Variants in SORCS2 observed in about 807,000 individuals in gnomAD.
SORCS2 encodes sortilin related VPS10 domain containing receptor 2.
SORCS2 carries 100 observed loss-of-function variants against 141.6 expected under a neutral mutation model. The ratio of observed to expected loss-of-function variants is 0.71; its 90% CI spans 0.60 to 0.83. SORCS2 has a LOEUF of 0.83. Among genes scored for constraint, SORCS2 ranks in the 40% least tolerant of loss-of-function variants. The pLI, the probability that SORCS2 is intolerant of heterozygous loss-of-function variation, is 0.00. For synonymous variants in SORCS2, 789 were observed against 676.9 expected (o/e 1.17, Z -2.57); for missense variants, 1,646 against 1,560.2 (o/e 1.05, Z -0.93).
At chr4:7,367,913 C>G (rs1722001814) in intron 1 of SORCS2, among the ~76,000 whole-genome samples, 1 of 152,216 alleles carries the variant, frequency 6.6e-6, no homozygotes. Flanking sequence ...CTCCTGCCAC[C>G]CGGGCCAGTC....
intron 2 of SORCS2, among the ~76,000 whole-genome samples, chr4:7,466,281 C>G (rs6446602): frequency 0.29 from 44,001 of 151,956 alleles, 7,134 homozygotes; most frequent in East Asian, 0.66. Context: ...CCTTGTGGCT[C>G]TGCCCTCCTC....
At chr4:7,426,628 T>G (rs10023533) in intron 2 of SORCS2, among the ~76,000 whole-genome samples, 123,227 of 152,070 alleles carry the variant, frequency 0.81, 50,116 homozygotes, top group South Asian at 0.94. Context: ...ATGTACTGGG[T>G]GTCTTGTGTG....
At chr4:7,356,139 G>C (rs1023019448) in intron 1 of SORCS2, among the ~76,000 whole-genome samples, 1 of 152,246 alleles carries the variant, frequency 6.6e-6, no homozygotes, top group Non-Finnish European at 1.5e-5. Flanking sequence ...TGTCAGAGAG[G>C]CTCTTTCTCC....
chr4:7,206,373 G>C (rs139162316), intron 1 of SORCS2, among the ~76,000 whole-genome samples: 7 of 152,296 alleles, frequency 4.6e-5, no homozygotes, highest in Non-Finnish European at 8.8e-5. Flanking sequence ...GGAGGTCATG[G>C]ATCCTGAAGC....
intron 3 of SORCS2, among the ~76,000 whole-genome samples, chr4:7,611,910 G>A (rs1179625340): frequency 6.6e-6 from 1 of 152,260 alleles, no homozygotes; most frequent in African/African-American, 2.4e-5. Flanking sequence ...CTCAGGCTCT[G>A]TGGATCCATG....
chr4:7,507,831 G>A (rs182494289), intron 2 of SORCS2, among the ~76,000 whole-genome samples: 3 of 152,162 alleles, frequency 2.0e-5, no homozygotes, highest in East Asian at 1.9e-4. Flanking sequence ...CGAGCCATGC[G>A]CCAAAATAAA....
chr4:7,289,920 C>A (rs973131785), intron 1 of SORCS2, among the ~76,000 whole-genome samples: 4 of 152,198 alleles, frequency 2.6e-5, no homozygotes, highest in African/African-American at 9.7e-5. Context: ...ACCTGCAGCA[C>A]CCTGATCGCA....
At chr4:7,605,560 C>T (rs1188151055) in intron 3 of SORCS2, among the ~76,000 whole-genome samples, 1 of 152,104 alleles carries the variant, frequency 6.6e-6, no homozygotes, top group Non-Finnish European at 1.5e-5. Flanking sequence ...AACAGTGCAC[C>T]TTGAAATATC....
chr4:7,574,047 G>A (rs937523388), intron 3 of SORCS2, among the ~76,000 whole-genome samples: 3 of 152,202 alleles, frequency 2.0e-5, no homozygotes, highest in Admixed American at 6.5e-5. Context: ...CCTCCTCCTC[G>A]TTTCTCCTGA....
intron 1 of SORCS2, among the ~76,000 whole-genome samples, chr4:7,296,926 G>A (rs1014448282): frequency 5.3e-5 from 8 of 152,174 alleles, no homozygotes; most frequent in Non-Finnish European, 1.0e-4. Context: ...TGCCCGGCCT[G>A]GTGTCCGAGG....
chr4:7,689,964 TGATG>T (rs1454209066), intron 11 of SORCS2, among the ~76,000 whole-genome samples: 1 of 152,012 alleles, frequency 6.6e-6, no homozygotes, highest in Non-Finnish European at 1.5e-5. Context: ...AATGGATGGA[TGATG>T]GATGGATGAT....
Position 7,286,438 on chromosome 4 carries a change from G to A in SORCS2, c.480+93312G>A, listed in dbSNP as rs1253163411. 6.6e-6 allele frequency among the ~76,000 whole-genome samples: 1 copy of A among 152,172 alleles called. No individual in the cohort carries two copies. The highest frequency in any genetic ancestry group is 1.5e-5 in the Non-Finnish European group (1 of 68,018). ...GGGAGACGTCCTGGAAGGCAGCCAC[G>A]AGGCCTGACGTTGGAGATGCACCAT... On this transcript the variant is annotated intron_variant, in intron 1 of 26. Coordinates refer to ENST00000507866, the MANE Select transcript of SORCS2 (RefSeq NM_020777.3). The surrounding 1 kb of genome is among the most constrained non-coding windows in gnomAD (Gnocchi z 4.1).
intron 1 of SORCS2, among the ~76,000 whole-genome samples, chr4:7,361,935 C>T (rs1194255196): frequency 6.6e-6 from 1 of 151,938 alleles, no homozygotes; most frequent in East Asian, 1.9e-4. Flanking sequence ...GTGGGGTAGT[C>T]CTACCCCAGG....
At chr4:7,612,408 G>A (rs138952405) in intron 3 of SORCS2, among the ~76,000 whole-genome samples, 24 of 152,242 alleles carry the variant, frequency 1.6e-4, no homozygotes, top group African/African-American at 4.6e-4. Context: ...CTGCTCCCTC[G>A]GTCCTTCTGG....
intron 3 of SORCS2, among the ~76,000 whole-genome samples, chr4:7,575,142 C>T (rs533019545): frequency 5.9e-5 from 9 of 152,298 alleles, no homozygotes; most frequent in African/African-American, 1.9e-4. Flanking sequence ...AGAACCTGGC[C>T]GCAGCCTGTT....
intron 1 of SORCS2, among the ~76,000 whole-genome samples, chr4:7,239,192 G>A (rs1712508548): frequency 6.6e-6 from 1 of 152,250 alleles, no homozygotes; most frequent in South Asian, 2.1e-4. Flanking sequence ...TTTGTGCCCA[G>A]GATGCTGCTA....
intron 8 of SORCS2, among the ~76,000 whole-genome samples, chr4:7,668,384 A>T (rs1415857784): frequency 3.9e-5 from 6 of 152,200 alleles, no homozygotes; most frequent in African/African-American, 1.4e-4. Flanking sequence ...CTTTATCCAA[A>T]GCCCCAAGGC....
chr4:7,733,767 A>G (rs79521002), intron 24 of SORCS2, among the ~76,000 whole-genome samples: 4,373 of 152,288 alleles, frequency 0.029, 156 homozygotes, highest in African/African-American at 0.087. Context: ...CTCTGTAAAG[A>G]CACCGTGCCC....
In SORCS2 at chr4:7,423,136, C is replaced by T. The variant is rs183260924; in HGVS notation, c.548+26781C>T. Among the ~76,000 whole-genome samples the T allele has an allele frequency of 1.3e-3, 199 of 152,290 alleles. 2 individuals carry two copies. The highest frequency in any genetic ancestry group is 3.5e-4 in the Non-Finnish European group (24 of 68,034). On this transcript the variant is annotated intron_variant, in intron 2 of 26. Coordinates refer to ENST00000507866, the MANE Select transcript of SORCS2 (RefSeq NM_020777.3). ...CCGAGCCACTCCCCGCACCCATCCA[C>T]GCTAGGGGAAGGTGCCCTCCCTGTT...
Sources: gnomAD v4.1 joint callset for allele counts (sites outside exome capture counted in the v4.1 genomes callset) on GRCh38, gnomAD v4.1.1 for gene constraint, Gnocchi (gnomAD v3.1) non-coding constraint, MANE v1.5 for transcripts, NCBI Gene and HGNC (gene_info 2026-07-23, HGNC 2026-07-21) for gene names.